CHAF1A: variants seen among roughly 807,000 people sequenced by gnomAD.
CHAF1A encodes chromatin assembly factor 1 subunit A, also known as CAF-1 subunit A.
CHAF1A carries 5 observed loss-of-function variants against 93.2 expected under a neutral mutation model. The observed-to-expected ratio is 0.05, with a 90% CI of 0.03 to 0.11. The LOEUF is 0.11. Among genes scored for constraint, CHAF1A ranks in the 10% least tolerant of loss-of-function variants. The pLI is 1.00. For missense variants in CHAF1A, 1,102 were observed against 1,259.9 expected (o/e 0.87, Z 1.90); for synonymous variants, 504 against 510.3 (o/e 0.99, Z 0.17).
rs1417241730 is a variant in CHAF1A at position 4,433,708 on chromosome 19, T to A, written c.2673+169T>A. Among the ~76,000 whole-genome samples, 1 of 151,978 alleles carries A rather than the reference T, an allele frequency of 6.6e-6. No homozygotes were observed. Reference sequence around the variant, plus strand: ...CTCCTCCCTCCTGGGTTCAAGTGATTCTCCTGCCTTAGCCTCCTGAGTAGC... The same window carrying A: ...CTCCTCCCTCCTGGGTTCAAGTGATACTCCTGCCTTAGCCTCCTGAGTAGC... On this transcript the variant is annotated intron_variant, in intron 13 of 14. Coordinates refer to ENST00000301280, the MANE Select transcript of CHAF1A (RefSeq NM_005483.3). The surrounding 1 kb of genome is among the most constrained non-coding windows in gnomAD (Gnocchi z 5.6).
chr19:4,433,436 C>T lies in CHAF1A; in HGVS notation c.2570C>T (p.Pro857Leu), dbSNP rs1354681480. The change falls in exon 13 of 15, where the codon CCC becomes CTC. Residue 857 changes from proline (P) to leucine (L), a missense_variant. Physicochemically the swap from Pro to Leu is moderately conservative, Grantham distance 98 (BLOSUM62 -3). This residue lies in a region of CHAF1A where 76 missense variants were observed against 129.8 expected (regional missense o/e 0.59). Transcript: ENST00000301280. The surrounding 1 kb of genome is among the most constrained non-coding windows in gnomAD (Gnocchi z 5.6). The part of the protein sequence containing the change: ...SAPKEDSGSV[P>L]STGPSQGTPI... ...CCCAAAGAGGACAGTGGCAGCGTCC[C>T]CTCCACGGGGCCCAGCCAGGGCACT... is the stretch of plus-strand genomic sequence containing the variant. The T allele has an allele frequency of 3.7e-6, 6 of 1,609,306 alleles. No homozygotes were observed. In the East Asian group the frequency reaches 1.1e-4, roughly 30 times the overall value.
Position 4,429,456 on chromosome 19 carries a change from G to C in CHAF1A, c.1623G>C (p.Glu541Asp), listed in dbSNP as rs528417828. 6.2e-7 allele frequency: 1 copy of C among 1,613,920 alleles called. No homozygotes were observed. The highest frequency in any genetic ancestry group is 1.3e-5 in the African/African-American group (1 of 74,890). The stretch of plus-strand genomic sequence containing the variant: ...TTCTCAGTGATGTCGTCATCGTGGA[G>C]CGTGGGAAGGGCGACGGTGTTCCCG... Reference protein sequence around the residue: ...DIFNSDVVIVERGKGDGVPER... With the variant: ...DIFNSDVVIVDRGKGDGVPER... The change falls in exon 9 of 15, where the codon GAG becomes GAC. Residue 541 changes from glutamate (E) to aspartate (D), a missense_variant. By Grantham distance (45) the Glu-to-Asp change is conservative. Around this residue, in one of 6 missense-constraint regions of CHAF1A, gnomAD observed 335 missense variants for 361.9 expected, o/e 0.93. Coordinates refer to ENST00000301280, the MANE Select transcript of CHAF1A (RefSeq NM_005483.3).
rs373856871 is a variant in CHAF1A at position 4,409,249 on chromosome 19, G to A, written c.450G>A (p.Gln150=). The A allele has an allele frequency of 1.9e-6, 3 of 1,614,060 alleles. No individual in the cohort carries two copies. The highest frequency in any genetic ancestry group is 2.5e-6 in the Non-Finnish European group (3 of 1,180,034). The change falls in exon 3 of 15, where the codon CAG becomes CAA. Residue 150 remains glutamine, a synonymous_variant. Transcript: ENST00000301280. Reference sequence around the variant, plus strand: ...CCTCCAGGGAGGCAATAAATGGCCAGCGAGAAGACACTGGGGATCAGCAGG... The same window carrying A: ...CCTCCAGGGAGGCAATAAATGGCCAACGAGAAGACACTGGGGATCAGCAGG... ...ASPSREAING[Q]REDTGDQQGL...
intron 7 of CHAF1A, among the ~76,000 whole-genome samples, chr19:4,424,203 A>G (rs943541489): frequency 6.6e-6 from 1 of 152,208 alleles, no homozygotes; most frequent in Admixed American, 6.5e-5. Flanking sequence ...TTTAGCTGTA[A>G]AACAACAGTA....
At chr19:4,446,314 G>A (rs200532411), downstream of CHAF1A, 182 of 1,573,486 alleles carry the variant, frequency 1.2e-4, no homozygotes, top group South Asian at 1.7e-4. Context: ...GGAGGCGCAC[G>A]CGCAGCAGCG....
At chr19:4,428,183 G>C (rs1295807073) in intron 7 of CHAF1A, among the ~76,000 whole-genome samples, 1 of 149,476 alleles carries the variant, frequency 6.7e-6, no homozygotes, top group African/African-American at 2.5e-5. Flanking sequence ...GTAGAGATGG[G>C]GTTTCACCAT....
At chr19:4,406,166 T>C (rs908761433) in intron 2 of CHAF1A, among the ~76,000 whole-genome samples, 1 of 152,122 alleles carries the variant, frequency 6.6e-6, no homozygotes, top group Non-Finnish European at 1.5e-5. Flanking sequence ...TATGCACGAT[T>C]GGTGTTTTGT....
In CHAF1A at chr19:4,422,783, A is replaced by G. The variant is rs766594061; in HGVS notation, c.1235A>G (p.Gln412Arg). ...RLKEERRKER[Q>R]EALEAKLEEK... Reference sequence around the variant, plus strand: ...AAGGAGGAGCGGCGCAAGGAGAGACAGGAAGCCCTGGAGTGAGTGTCCTTG... The same window carrying G: ...AAGGAGGAGCGGCGCAAGGAGAGACGGGAAGCCCTGGAGTGAGTGTCCTTG... Residue 412 changes from glutamine (Q) to arginine (R), a missense_variant, in exon 5 of 15, where the codon CAG becomes CGG. Gln to Arg is a conservative substitution (Grantham distance 43, BLOSUM62 1). Coordinates refer to ENST00000301280, the MANE Select transcript of CHAF1A (RefSeq NM_005483.3). This position sits in a 1 kb window ranked among gnomAD's most constrained non-coding sequence, Gnocchi z 4.6. 37 of 1,612,482 alleles carry G rather than the reference A, an allele frequency of 2.3e-5. No individual in the cohort carries two copies. Among genetic ancestry groups the G allele is most frequent in the Non-Finnish European group, 2.9e-5 (34 of 1,179,786 alleles).
chr19:4,433,242 C>T lies in CHAF1A; in HGVS notation c.2376C>T (p.Ile792=). ...CCACCCCCAGCGAGGATGCCGCCAT[C>T]CCCTCTAAGTCCCGGCTCAAGCGGC... ...HTPTPSEDAA[I]PSKSRLKRLI... The change falls in exon 13 of 15, where the codon ATC becomes ATT. Residue 792 remains isoleucine, a synonymous_variant. Transcript: ENST00000301280. This position sits in a 1 kb window ranked among gnomAD's most constrained non-coding sequence, Gnocchi z 5.6. The T allele has an allele frequency of 6.2e-7, 1 of 1,614,226 alleles. No homozygotes were observed. Among genetic ancestry groups the T allele is most frequent in the Non-Finnish European group, 8.5e-7 (1 of 1,180,040 alleles).
Position 4,423,847 on chromosome 19 carries a change from G to T in CHAF1A, c.1350G>T (p.Gln450His). ...AGGCCGAAATCACGAGGTTCTTCCA[G>T]AAACCAAAGACTCCACAGGCCCCCA... ...AEKAEITRFF[Q>H]KPKTPQAPKT... is the part of the protein sequence containing the mutation. The change falls in exon 7 of 15, where the codon CAG becomes CAT. Residue 450 changes from glutamine (Q) to histidine (H), a missense_variant. Physicochemically the swap from Gln to His is conservative, Grantham distance 24. This residue lies in a region of CHAF1A where 165 missense variants were observed against 243.9 expected (regional missense o/e 0.68). Coordinates refer to ENST00000301280, the MANE Select transcript of CHAF1A (RefSeq NM_005483.3). The T allele has an allele frequency of 3.1e-6, 5 of 1,614,106 alleles. No individual in the cohort carries two copies. The highest frequency in any genetic ancestry group is 4.2e-6 in the Non-Finnish European group (5 of 1,179,970).
downstream of CHAF1A, chr19:4,445,487 C>T: frequency 6.2e-7 from 1 of 1,613,746 alleles, no homozygotes; most frequent in Non-Finnish European, 8.5e-7. Flanking sequence ...GAGGCCAACC[C>T]TGCTTTTATT....
rs1974002739 is a variant in CHAF1A at position 4,422,233 on chromosome 19, C to T, written c.1018-333C>T. Among the ~76,000 whole-genome samples the T allele has an allele frequency of 6.6e-6, 1 of 152,238 alleles. No individual in the cohort carries two copies. The highest frequency in any genetic ancestry group is 6.5e-5 in the Admixed American group (1 of 15,294). ...TTCACCATCTTGGCCAGGCTGGTCT[C>T]GAACTCCTGACCTCAGGTGATCCAC... On this transcript the variant is annotated intron_variant, in intron 4 of 14. Transcript: ENST00000301280. The surrounding 1 kb of genome is among the most constrained non-coding windows in gnomAD (Gnocchi z 4.6).
At chr19:4,437,735 T>TTTTAA (rs113957522) in intron 13 of CHAF1A, among the ~76,000 whole-genome samples, 2 of 149,058 alleles carry the variant, frequency 1.3e-5, no homozygotes, top group Non-Finnish European at 3.0e-5. Context: ...GTTTTCATCT[T>TTTTAA]TTTTATTTTA....
At chr19:4,444,110 C>A (rs1028560712), downstream of CHAF1A, among the ~76,000 whole-genome samples, 4 of 152,208 alleles carry the variant, frequency 2.6e-5, no homozygotes, top group African/African-American at 9.6e-5. Flanking sequence ...GGGCTCCCGA[C>A]AACCCGGAAT....
chr19:4,415,911 C>T (rs898235969), intron 3 of CHAF1A, among the ~76,000 whole-genome samples: 5 of 152,120 alleles, frequency 3.3e-5, no homozygotes, highest in African/African-American at 7.2e-5. Flanking sequence ...CGGTGGCTCA[C>T]GCCTTTAATC....
chr19:4,405,511 G>A (rs993438418), intron 1 of CHAF1A, among the ~76,000 whole-genome samples: 8 of 151,960 alleles, frequency 5.3e-5, no homozygotes, highest in African/African-American at 1.9e-4. Flanking sequence ...GAGAGAGTGA[G>A]GCAGGAGAAT....
downstream of CHAF1A, chr19:4,446,136 C>T (rs1974509692): frequency 1.2e-6 from 2 of 1,612,116 alleles, no homozygotes; most frequent in African/African-American, 2.7e-5. Context: ...GCCAGTCGCT[C>T]TGCAGGGCCT....
In CHAF1A at chr19:4,423,860, C is replaced by G; in HGVS notation, c.1363C>G (p.Pro455Ala). 1 of 1,614,068 alleles carries G rather than the reference C, an allele frequency of 6.2e-7. No homozygotes were observed. The highest frequency in any genetic ancestry group is 8.5e-7 in the Non-Finnish European group (1 of 1,179,922). ...ITRFFQKPKT[P>A]QAPKTLAGSC... is the part of the protein sequence containing the mutation. ...GAGGTTCTTCCAGAAACCAAAGACT[C>G]CACAGGCCCCCAAGGTGAGCAGCCG... The change falls in exon 7 of 15, where the codon CCA becomes GCA. Residue 455 changes from proline to alanine, a missense_variant. Transcript: ENST00000301280.
At chr19:4,429,921 T>A in intron 10 of CHAF1A, 133 bp downstream of exon 10, 1 of 757,326 alleles carries the variant, frequency 1.3e-6, no homozygotes, top group Non-Finnish European at 2.2e-6. Flanking sequence ...CTGTGTGGTC[T>A]GAAACCTGAA....
Sources: allele counts gnomAD v4.1 joint callset (sites outside exome capture counted in the v4.1 genomes callset), GRCh38; gene constraint gnomAD v4.1.1; regional missense constraint gnomAD v4.1.1; non-coding constraint Gnocchi (gnomAD v3.1); transcripts MANE v1.5; gene names NCBI Gene and HGNC (gene_info 2026-07-23, HGNC 2026-07-21).